Variants in FER observed in about 807,000 individuals in gnomAD.
FER encodes FER tyrosine kinase, also known as tyrosine-protein kinase Fer.
FER carries 63 observed loss-of-function variants against 111.0 expected under a neutral mutation model. The observed-to-expected ratio is 0.57, with a 90% CI of 0.46 to 0.70. The LOEUF (loss-of-function observed/expected upper bound fraction) is 0.70, where lower values mean the gene tolerates loss of function less well. Ranked by LOEUF, FER falls within the 30% of genes least tolerant of loss-of-function variation. The pLI, the probability that FER is intolerant of heterozygous loss-of-function variation, is 0.00. For missense variants in FER, 914 were observed against 954.0 expected (o/e 0.96, Z 0.55); for synonymous variants, 327 against 313.9 (o/e 1.04, Z -0.44).
At chr5:109,021,479 C>G (rs138832586) in intron 13 of FER, among the ~76,000 whole-genome samples, 12 of 152,046 alleles carry the variant, frequency 7.9e-5, no homozygotes, top group African/African-American at 2.7e-4. Flanking sequence ...AGTATTCTAA[C>G]AACATTTGCT....
At chr5:109,178,047 G>A (rs1447317092) in intron 17 of FER, among the ~76,000 whole-genome samples, 1 of 152,206 alleles carries the variant, frequency 6.6e-6, no homozygotes, top group East Asian at 1.9e-4. Context: ...AGAGAGAAAA[G>A]GAGGAAAAGT....
Position 108,829,613 on chromosome 5 carries a change from T to G in FER, c.208-3157T>G, listed in dbSNP as rs572222032. On this transcript the variant is annotated intron_variant, in intron 3 of 19. Transcript: ENST00000281092. ...ATGATCGTGCCATTGCACTCCAGCCTGGGTGACAGGGTGAGACCCTGTCTC... is the reference window on the plus strand; with the variant it reads ...ATGATCGTGCCATTGCACTCCAGCCGGGGTGACAGGGTGAGACCCTGTCTC... 6.6e-5 allele frequency among the ~76,000 whole-genome samples: 10 copies of G among 152,324 alleles called. 1 individual carries two copies. Among genetic ancestry groups the G allele is most frequent in the African/African-American group, 2.4e-4 (10 of 41,576 alleles).
chr5:109,015,393 C>T (rs565435756), intron 13 of FER, among the ~76,000 whole-genome samples: 21 of 152,010 alleles, frequency 1.4e-4, no homozygotes, highest in Non-Finnish European at 2.8e-4. Flanking sequence ...GAGAAGCAAA[C>T]GTGTGACTTT....
At chr5:108,774,815 G>C (rs555492124) in intron 2 of FER, among the ~76,000 whole-genome samples, 1 of 151,774 alleles carries the variant, frequency 6.6e-6, no homozygotes, top group East Asian at 1.9e-4. Context: ...TGGGTAGATT[G>C]CAAAAATTTT....
intron 10 of FER, among the ~76,000 whole-genome samples, chr5:108,919,094 C>T (rs954317096): frequency 6.6e-6 from 1 of 151,970 alleles, no homozygotes; most frequent in Non-Finnish European, 1.5e-5. Flanking sequence ...AAATCACTTC[C>T]CTTTTTAGGA....
At chr5:109,047,493 T>C (rs1281870562) in intron 16 of FER, among the ~76,000 whole-genome samples, 1 of 152,238 alleles carries the variant, frequency 6.6e-6, no homozygotes, top group Non-Finnish European at 1.5e-5. Context: ...AAAAAGGCAG[T>C]GTACTTAGAC....
chr5:109,134,140 T>C (rs1419459337), intron 17 of FER, among the ~76,000 whole-genome samples: 1 of 152,120 alleles, frequency 6.6e-6, no homozygotes, highest in African/African-American at 2.4e-5. Context: ...TCCTGTGAAG[T>C]TGAAGCATGA....
chr5:108,973,896 C>T (rs530249714), intron 13 of FER, among the ~76,000 whole-genome samples: 1 of 152,226 alleles, frequency 6.6e-6, no homozygotes, highest in South Asian at 2.1e-4. Flanking sequence ...TCTTAATGTT[C>T]ATAATACTGG....
At chr5:108,783,131 CG>C (rs1209225246) in intron 2 of FER, among the ~76,000 whole-genome samples, 1 of 152,020 alleles carries the variant, frequency 6.6e-6, no homozygotes, top group East Asian at 1.9e-4. Context: ...CCCACAGGTC[CG>C]TGAGGCTTTC....
At chr5:108,835,057 ATTTG>A (rs1340776616) in intron 4 of FER, among the ~76,000 whole-genome samples, 2 of 152,000 alleles carry the variant, frequency 1.3e-5, no homozygotes, top group African/African-American at 2.4e-5. Flanking sequence ...AAGGACTTGC[ATTTG>A]TTTCATTGTT....
intron 13 of FER, among the ~76,000 whole-genome samples, chr5:109,006,434 C>G (rs1765513357): frequency 1.3e-5 from 2 of 152,152 alleles, no homozygotes; most frequent in African/African-American, 2.4e-5. Context: ...GTGAGACAAG[C>G]CTTTGCTTCT....
intron 17 of FER, among the ~76,000 whole-genome samples, chr5:109,122,386 C>T (rs1391657411): frequency 6.6e-6 from 1 of 151,788 alleles, no homozygotes; most frequent in Non-Finnish European, 1.5e-5. Flanking sequence ...TTCCAAAATT[C>T]TTCTTGTTTT....
rs202242084 is a variant in FER at position 108,779,010 on chromosome 5, C to CTT, written c.-60+10783_-60+10784dup. On this transcript the variant is annotated intron_variant, in intron 2 of 19. Transcript: ENST00000281092. ...AGTGTGTAAGATCTGTGTCTAGGCT[C>CTT]TTTTTTTTTTTTGCAAGTGGATGTC... Among the ~76,000 whole-genome samples the CTT allele has an allele frequency of 3.8e-3, 544 of 143,422 alleles. 2 individuals are homozygous for CTT. Among genetic ancestry groups the CTT allele is most frequent in the African/African-American group, 0.013 (501 of 39,524 alleles). 94.1% of individuals were successfully genotyped at this position (143,422 alleles called of 152,430 possible).
At chr5:108,994,850 G>T (rs1392720752) in intron 13 of FER, among the ~76,000 whole-genome samples, 1 of 152,030 alleles carries the variant, frequency 6.6e-6, no homozygotes, top group African/African-American at 2.4e-5. Context: ...GTATGCCTAG[G>T]TATTTTATTC....
intron 1 of FER, among the ~76,000 whole-genome samples, chr5:108,759,748 T>C (rs919184887): frequency 2.6e-5 from 4 of 152,198 alleles, no homozygotes; most frequent in African/African-American, 7.2e-5. Context: ...CAAGCTCTTT[T>C]TGTACCAGCA....
At chr5:108,770,092 G>T (rs1320612734) in intron 2 of FER, among the ~76,000 whole-genome samples, 1 of 152,090 alleles carries the variant, frequency 6.6e-6, no homozygotes, top group Admixed American at 6.5e-5. Flanking sequence ...GGGATTACAG[G>T]CATGTGCCAC....
At position 109,186,309 on chromosome 5, in the gene FER, G is replaced by A; in HGVS notation, c.2313G>A (p.Glu771=). The A allele has an allele frequency of 6.2e-7, 1 of 1,614,100 alleles. No homozygotes were observed. The highest frequency in any genetic ancestry group is 1.7e-5 in the Admixed American group (1 of 60,018). Residue 771 remains glutamate, a synonymous_variant, in exon 19 of 20, where the codon GAG becomes GAA. Transcript: ENST00000281092. ...YPGMTNQQAR[E]QVERGYRMSA... ...GAATGACAAATCAGCAAGCAAGAGAGCAAGTAGAAAGAGGTGAGCCAAGTA... is the reference window on the plus strand; with the variant it reads ...GAATGACAAATCAGCAAGCAAGAGAACAAGTAGAAAGAGGTGAGCCAAGTA...
intron 12 of FER, among the ~76,000 whole-genome samples, chr5:108,957,075 G>A (rs1758521100): frequency 6.6e-6 from 1 of 151,532 alleles, no homozygotes; most frequent in Non-Finnish European, 1.5e-5. Flanking sequence ...AGAACACTTG[G>A]CTTTCAGTCC....
chr5:109,124,269 A>C (rs1169407254), intron 17 of FER, among the ~76,000 whole-genome samples: 1 of 152,224 alleles, frequency 6.6e-6, no homozygotes, highest in African/African-American at 2.4e-5. Context: ...GGTGCTTGGC[A>C]GTTTTCTTTA....
Sources: gnomAD v4.1 joint callset for allele counts (sites outside exome capture counted in the v4.1 genomes callset) on GRCh38, gnomAD v4.1.1 for gene constraint, MANE v1.5 for transcripts, NCBI Gene and HGNC (gene_info 2026-07-23, HGNC 2026-07-21) for gene names.